The following BLTP3B variants were observed in gnomAD, a reference collection of about 807,000 sequenced individuals.
The protein encoded by BLTP3B is UHRF1 (ICBP90) binding protein 1-like.
chr12:100,071,952 G>C, the BLTP3B span, among the ~76,000 whole-genome samples: 1 of 152,130 alleles, frequency 6.6e-6, no homozygotes, highest in Admixed American at 6.6e-5. Flanking sequence ...TGAATATCTG[G>C]AATAAAATGA....
At chr12:100,037,765 T>C in the BLTP3B span, 118 of 1,585,714 alleles carry the variant, frequency 7.4e-5, no homozygotes, top group East Asian at 2.3e-3. Flanking sequence ...GCTGAAATGA[T>C]AAATGGCGGG....
the BLTP3B span, among the ~76,000 whole-genome samples, chr12:100,109,670 G>A: frequency 6.6e-6 from 1 of 152,034 alleles, no homozygotes; most frequent in Non-Finnish European, 1.5e-5. Flanking sequence ...GGAGGCTGAG[G>A]TGGGAGTTTC....
the BLTP3B span, among the ~76,000 whole-genome samples, chr12:100,114,915 A>G: frequency 1.3e-5 from 2 of 152,200 alleles, no homozygotes; most frequent in Non-Finnish European, 2.9e-5. Context: ...CTCTTTTAAT[A>G]CAACACTTCA....
the BLTP3B span, among the ~76,000 whole-genome samples, chr12:100,083,638 T>A: frequency 6.6e-6 from 1 of 151,894 alleles, no homozygotes; most frequent in Non-Finnish European, 1.5e-5. Flanking sequence ...TTTAGTGTTA[T>A]ACGTTTGTAT....
chr12:100,119,872 T>C, the BLTP3B span, among the ~76,000 whole-genome samples: 1 of 152,182 alleles, frequency 6.6e-6, no homozygotes, highest in African/African-American at 2.4e-5. Flanking sequence ...ACCTTGAGTT[T>C]GGTAGATTTA....
At chr12:100,119,863 C>T in the BLTP3B span, among the ~76,000 whole-genome samples, 6 of 152,062 alleles carry the variant, frequency 3.9e-5, no homozygotes, top group African/African-American at 1.4e-4. Context: ...ATATTAGTAA[C>T]CTTGAGTTTG....
the BLTP3B span, among the ~76,000 whole-genome samples, chr12:100,076,644 T>C: frequency 1.2e-4 from 19 of 152,334 alleles, no homozygotes; most frequent in African/African-American, 4.3e-4. Context: ...TCCACCCACT[T>C]TGGCTTCCCA....
chr12:100,123,902 T>C, the BLTP3B span, among the ~76,000 whole-genome samples: 1 of 152,206 alleles, frequency 6.6e-6, no homozygotes, highest in Non-Finnish European at 1.5e-5. Context: ...ACTGGCAGCC[T>C]GTGAGCTGTC....
chr12:100,081,244 C>T, the BLTP3B span, among the ~76,000 whole-genome samples: 3 of 152,152 alleles, frequency 2.0e-5, no homozygotes, highest in South Asian at 6.2e-4. Flanking sequence ...AAGACTCTGC[C>T]TTATGCATCT....
At chr12:100,069,126 C>T in the BLTP3B span, among the ~76,000 whole-genome samples, 3 of 152,038 alleles carry the variant, frequency 2.0e-5, no homozygotes, top group East Asian at 5.8e-4. Flanking sequence ...GGAGGGGAAT[C>T]GCTTGAACCC....
the BLTP3B span, chr12:100,059,776 A>G: frequency 7.1e-7 from 1 of 1,406,244 alleles, no homozygotes; most frequent in Non-Finnish European, 9.8e-7. Flanking sequence ...AATCAATGTA[A>G]CATACATATA....
At chr12:100,063,121 A>G in the BLTP3B span, among the ~76,000 whole-genome samples, 1 of 152,124 alleles carries the variant, frequency 6.6e-6, no homozygotes. Flanking sequence ...CAGTGTGTGG[A>G]GGCTCACATA....
At chr12:100,063,136 A>T in the BLTP3B span, among the ~76,000 whole-genome samples, 1 of 152,110 alleles carries the variant, frequency 6.6e-6, no homozygotes, top group African/African-American at 2.4e-5. Context: ...CACATAGTGA[A>T]TTTTTGCTCC....
chr12:100,063,563 T>G, the BLTP3B span, among the ~76,000 whole-genome samples: 101 of 151,872 alleles, frequency 6.7e-4, no homozygotes, highest in Non-Finnish European at 6.3e-4. Context: ...AAAGTTAGCC[T>G]GGTGTGGTGG....
chr12:100,082,198 C>T, the BLTP3B span, among the ~76,000 whole-genome samples: 1 of 152,140 alleles, frequency 6.6e-6, no homozygotes, highest in African/African-American at 2.4e-5. Context: ...GTTGGCTGCA[C>T]ATATGTCTTC....
the BLTP3B span, chr12:100,039,736 A>C: frequency 6.2e-7 from 1 of 1,613,252 alleles, no homozygotes. Flanking sequence ...AGCAGCACTG[A>C]ATCGCTTTTG....
chr12:100,112,007 G>T, the BLTP3B span, among the ~76,000 whole-genome samples: 2 of 151,990 alleles, frequency 1.3e-5, no homozygotes, highest in African/African-American at 4.8e-5. Context: ...CTCCCAAAGT[G>T]CTGGGATTAC....
chr12:100,125,585 C>T, the BLTP3B span, among the ~76,000 whole-genome samples: 1 of 152,106 alleles, frequency 6.6e-6, no homozygotes, highest in South Asian at 2.1e-4. Context: ...GAGGTCAAGG[C>T]TGCAGTGAGC....
the BLTP3B span, among the ~76,000 whole-genome samples, chr12:100,130,993 G>T: frequency 1.7e-4 from 12 of 71,046 alleles, no homozygotes; most frequent in East Asian, 1.6e-3. Flanking sequence ...GAGAGAGAGA[G>T]AGAGAGAGAG....
Sources: allele counts gnomAD v4.1 joint callset (sites outside exome capture counted in the v4.1 genomes callset), GRCh38; gene constraint gnomAD v4.1.1; transcripts MANE v1.5; gene names NCBI Gene and HGNC (gene_info 2026-07-23, HGNC 2026-07-21).